SNRK: variants seen among roughly 807,000 people sequenced by gnomAD.
SNRK encodes SNF-related serine/threonine-protein kinase.
A neutral mutation model predicts 48.2 loss-of-function variants in SNRK; 3 were observed. The ratio of observed to expected loss-of-function variants is 0.06; its 90% confidence interval spans 0.03 to 0.16. SNRK has a LOEUF of 0.16. Among genes scored for constraint, SNRK ranks in the 10% least tolerant of loss-of-function variants. SNRK has a pLI of 1.00. For synonymous variants in SNRK, 376 were observed against 366.1 expected (o/e 1.03, Z -0.31); for missense variants, 627 against 976.0 (o/e 0.64, Z 4.76).
Position 43,347,378 on chromosome 3 carries a change from T to G in SNRK, c.1119T>G (p.Leu373=). The G allele has an allele frequency of 6.2e-7, 1 of 1,602,622 alleles. No homozygotes were observed. The highest frequency in any genetic ancestry group is 8.5e-7 in the Non-Finnish European group (1 of 1,174,378). ...WPTKIDVPQD[L]EDDLTATPLS... is the part of the protein sequence containing the mutation. ...CCAAAATTGATGTACCCCAGGACCT[T>G]GAGGATGACCTCACGGCCACTCCTT... Residue 373 remains leucine, a synonymous_variant, in exon 7 of 7, where the codon CTT becomes CTG. Coordinates refer to ENST00000296088, the MANE Select transcript of SNRK (RefSeq NM_017719.5). The surrounding 1 kb of genome is among the most constrained non-coding windows in gnomAD (Gnocchi z 5.4).
At chr3:43,321,687 T>C (rs541860708) in intron 3 of SNRK, among the ~76,000 whole-genome samples, 1 of 152,302 alleles carries the variant, frequency 6.6e-6, no homozygotes, top group South Asian at 2.1e-4. Context: ...GAAATCATCA[T>C]CAAAAACTTA....
intron 6 of SNRK, among the ~76,000 whole-genome samples, chr3:43,345,774 T>C (rs1210123538): frequency 6.6e-6 from 1 of 152,142 alleles, no homozygotes; most frequent in Non-Finnish European, 1.5e-5. Flanking sequence ...TGGTGTGGTA[T>C]TGGGAGTTGT....
chr3:43,287,452 A>T (rs753127581), intron 1 of SNRK, among the ~76,000 whole-genome samples: 3 of 152,174 alleles, frequency 2.0e-5, no homozygotes, highest in Admixed American at 6.5e-5. Context: ...ACAGTCCAGT[A>T]GTTTCATAGG....
intron 1 of SNRK, among the ~76,000 whole-genome samples, chr3:43,297,795 G>A (rs1010920515): frequency 6.6e-6 from 1 of 152,058 alleles, no homozygotes; most frequent in Non-Finnish European, 1.5e-5. Flanking sequence ...CTTACATTTT[G>A]TGAGATATTT....
intron 1 of SNRK, among the ~76,000 whole-genome samples, chr3:43,298,660 T>C (rs987924530): frequency 5.9e-5 from 9 of 152,234 alleles, no homozygotes; most frequent in African/African-American, 2.2e-4. Flanking sequence ...TAGTGTATAG[T>C]GTAAATTATC....
intron 3 of SNRK, among the ~76,000 whole-genome samples, chr3:43,308,113 C>T (rs1365650961): frequency 1.3e-5 from 2 of 152,184 alleles, no homozygotes; most frequent in Non-Finnish European, 2.9e-5. Flanking sequence ...CTTCAGTTCT[C>T]TGAGGGCTAA....
chr3:43,302,357 A>G (rs934020216), intron 2 of SNRK, among the ~76,000 whole-genome samples: 24 of 152,216 alleles, frequency 1.6e-4, no homozygotes, highest in Admixed American at 1.2e-3. Flanking sequence ...CCTCCTAAAC[A>G]TTTTGGAAAA....
chr3:43,303,737 T>G lies in SNRK; in HGVS notation c.534T>G (p.Leu178=), dbSNP rs370928619. 1.4e-4 allele frequency: 232 copies of G among 1,613,906 alleles called. No homozygotes were observed. Among genetic ancestry groups the G allele is most frequent in the Non-Finnish European group, 1.8e-4 (207 of 1,179,994 alleles). Residue 178 remains leucine, a synonymous_variant, in exon 3 of 7, where the codon CTT becomes CTG. Transcript: ENST00000296088. This position sits in a 1 kb window ranked among gnomAD's most constrained non-coding sequence, Gnocchi z 6.2. ...GKKLTTSCGS[L]AYSAPEILLG... is the part of the protein sequence containing the mutation. ...AGCTCACTACAAGCTGTGGATCTCT[T>G]GCATATTCCGCTCCAGAAATTCTGC...
At chr3:43,335,198 T>C (rs1030803701) in intron 4 of SNRK, among the ~76,000 whole-genome samples, 5 of 152,202 alleles carry the variant, frequency 3.3e-5, no homozygotes, top group African/African-American at 1.2e-4. Flanking sequence ...AATTTCCCTT[T>C]TCTGTTGTAA....
intron 3 of SNRK, among the ~76,000 whole-genome samples, chr3:43,328,095 G>C (rs1446974938): frequency 2.0e-5 from 3 of 152,082 alleles, no homozygotes; most frequent in Non-Finnish European, 4.4e-5. Flanking sequence ...ATTTGATTCA[G>C]ATGGTTGATG....
chr3:43,344,771 G>T (rs1244784958), intron 6 of SNRK, among the ~76,000 whole-genome samples: 4 of 152,062 alleles, frequency 2.6e-5, no homozygotes, highest in Non-Finnish European at 5.9e-5. Context: ...ATGCTCAGAG[G>T]TTACGGTCAA....
Position 43,303,308 on chromosome 3 carries a change from T to C in SNRK, c.105T>C (p.His35=), listed in dbSNP as rs762269609. ...TTGCCGTGGTTAAACTTGCCAGGCATGTCTTTACGGGTGAAAAGGTGGCAG... is the reference window on the plus strand; with the variant it reads ...TTGCCGTGGTTAAACTTGCCAGGCACGTCTTTACGGGTGAAAAGGTGGCAG... ...GHFAVVKLAR[H]VFTGEKVAVK... Residue 35 remains histidine, a synonymous_variant, in exon 3 of 7, where the codon CAT becomes CAC. Transcript: ENST00000296088. The surrounding 1 kb of genome is among the most constrained non-coding windows in gnomAD (Gnocchi z 6.2). The C allele has an allele frequency of 5.6e-6, 9 of 1,614,080 alleles. No individual in the cohort carries two copies. Among genetic ancestry groups the C allele is most frequent in the African/African-American group, 1.3e-5 (1 of 74,916 alleles).
intron 3 of SNRK, among the ~76,000 whole-genome samples, chr3:43,312,707 G>A (rs149432973): frequency 2.0e-4 from 30 of 152,210 alleles, no homozygotes; most frequent in African/African-American, 7.2e-4. Flanking sequence ...CAATCTCATG[G>A]AATCCACAGA....
chr3:43,338,180 C>T (rs1397541761), intron 4 of SNRK, among the ~76,000 whole-genome samples: 1 of 152,154 alleles, frequency 6.6e-6, no homozygotes, highest in Non-Finnish European at 1.5e-5. Context: ...TTCATATTTA[C>T]CCAGATGCTT....
At chr3:43,310,139 G>A (rs1036728505) in intron 3 of SNRK, among the ~76,000 whole-genome samples, 1 of 152,030 alleles carries the variant, frequency 6.6e-6, no homozygotes, top group East Asian at 1.9e-4. Context: ...GCTGTATTTC[G>A]TGTCTAATCT....
chr3:43,300,798 C>T (rs2090892562), intron 2 of SNRK, among the ~76,000 whole-genome samples: 1 of 152,180 alleles, frequency 6.6e-6, no homozygotes, highest in African/African-American at 2.4e-5. Context: ...CCCACACACA[C>T]CTAGGCATTG....
chr3:43,349,207 G>C lies in SNRK; in HGVS notation c.*650G>C, dbSNP rs1186106419. The C allele has an allele frequency of 6.6e-6, 1 of 152,638 alleles. No individual in the cohort carries two copies. The highest frequency in any genetic ancestry group is 2.4e-5 in the African/African-American group (1 of 41,448). The allele number at this position is 152,638 out of a possible 1,614,324, so 9.5% of individuals were successfully genotyped here. ...AACTGAAAAAGATTTCCTTGTTTTTGTAATAGGTGAGATAAAGTACTTAGA... is the reference window on the plus strand; with the variant it reads ...AACTGAAAAAGATTTCCTTGTTTTTCTAATAGGTGAGATAAAGTACTTAGA... On this transcript the variant is annotated 3_prime_UTR_variant, in exon 7 of 7. Transcript: ENST00000296088.
Position 43,340,525 on chromosome 3 carries a change from G to C in SNRK, c.944+26G>C, listed in dbSNP as rs778802322. 4.4e-6 allele frequency: 7 copies of C among 1,601,340 alleles called. No homozygotes were observed. In the African/African-American group the frequency reaches 6.7e-5, roughly 15 times the overall value. ...GTACGTCAATGCCCGTCAGTACAGA[G>C]GGCCACAGGTTTAGGATTCTTGGAA... is the stretch of plus-strand genomic sequence containing the variant. On this transcript the variant is annotated intron_variant, in intron 5 of 6. Coordinates refer to ENST00000296088, the MANE Select transcript of SNRK (RefSeq NM_017719.5).
chr3:43,344,171 C>A lies in SNRK; in HGVS notation c.1079+693C>A, dbSNP rs184532313. On this transcript the variant is annotated intron_variant, in intron 6 of 6. Coordinates refer to ENST00000296088, the MANE Select transcript of SNRK (RefSeq NM_017719.5). ...CCATTGTCTTCAATAAAGTCATGAA[C>A]GTGCTGCTCCCCAAGCCTTTTCTAA... is the stretch of plus-strand genomic sequence containing the variant. Among the ~76,000 whole-genome samples the A allele has an allele frequency of 2.6e-4, 39 of 152,220 alleles. No homozygotes were observed. The South Asian group carries it at 8.1e-3, about 32-fold the overall frequency.
Sources: gnomAD v4.1 joint callset for allele counts (sites outside exome capture counted in the v4.1 genomes callset) on GRCh38, gnomAD v4.1.1 for gene constraint, Gnocchi (gnomAD v3.1) non-coding constraint, MANE v1.5 for transcripts, NCBI Gene and HGNC (gene_info 2026-07-23, HGNC 2026-07-21) for gene names.